Variants in AGO3 observed in about 807,000 individuals in gnomAD.
The protein encoded by AGO3 is argonaute RISC catalytic component 3.
AGO3 carries 16 observed loss-of-function variants against 105.5 expected under a neutral mutation model. The ratio of observed to expected loss-of-function variants is 0.15; its 90% CI spans 0.10 to 0.23. The LOEUF (loss-of-function observed/expected upper bound fraction) is 0.23. Among genes scored for constraint, AGO3 ranks in the 10% least tolerant of loss-of-function variants. The pLI is 1.00. For missense variants in AGO3, 534 were observed against 1,088.0 expected (o/e 0.49, Z 7.16); for synonymous variants, 340 against 367.3 (o/e 0.93, Z 0.85).
At chr1:36,010,040 A>G (rs980830017) in intron 9 of AGO3, among the ~76,000 whole-genome samples, 3 of 139,148 alleles carry the variant, frequency 2.2e-5, no homozygotes, top group African/African-American at 5.4e-5. Context: ...CCAGGTTCAC[A>G]CCATTCTCCT....
chr1:35,986,342 A>G (rs1647176942), intron 5 of AGO3, among the ~76,000 whole-genome samples: 1 of 152,234 alleles, frequency 6.6e-6, no homozygotes, highest in African/African-American at 2.4e-5. Flanking sequence ...GTGGTGTACT[A>G]CATAACAGTT....
intron 4 of AGO3, among the ~76,000 whole-genome samples, chr1:35,972,899 G>A (rs1013930438): frequency 9.2e-6 from 1 of 108,612 alleles, no homozygotes; most frequent in Non-Finnish European, 1.8e-5. Context: ...ATCTCCCTAT[G>A]TTGCCCAGGC....
rs13376002 is a variant in AGO3, at chr1:36,029,580, T to G, written c.1591+2282T>G. The stretch of plus-strand genomic sequence containing the variant: ...CAGCTAATTTTTTTGTATTTTTTAG[T>G]AGAGACAGGGTTTCACCGTGTTAGC... On this transcript the variant is annotated intron_variant, in intron 12 of 18. Coordinates refer to ENST00000373191, the MANE Select transcript of AGO3 (RefSeq NM_024852.4). Among the ~76,000 whole-genome samples the G allele has an allele frequency of 9.5e-3, 1,444 of 151,914 alleles. 22 individuals carry two copies. Among genetic ancestry groups the G allele is most frequent in the African/African-American group, 0.033 (1,347 of 41,424 alleles).
At position 36,055,525 on chromosome 1, in the gene AGO3, A is replaced by G. The variant is rs1642888912; in HGVS notation, c.2475-112A>G. The stretch of plus-strand genomic sequence containing the variant: ...TGATGGACACATAGATTGTTACACC[A>G]GTCTCTTATTTGTTAATAATTTTGA... On this transcript the variant is annotated intron_variant, in intron 18 of 18. Coordinates refer to ENST00000373191, the MANE Select transcript of AGO3 (RefSeq NM_024852.4). The surrounding 1 kb of genome is among the most constrained non-coding windows in gnomAD (Gnocchi z 4.4). 2 of 978,554 alleles carry G rather than the reference A, an allele frequency of 2.0e-6. No homozygotes were observed. Among genetic ancestry groups the G allele is most frequent in the Non-Finnish European group, 3.1e-6 (2 of 637,560 alleles). The allele number at this position is 978,554 out of a possible 1,614,324, so 60.6% of individuals were successfully genotyped here.
chr1:35,943,809 C>T (rs1054585465), intron 1 of AGO3, among the ~76,000 whole-genome samples: 2 of 151,966 alleles, frequency 1.3e-5, no homozygotes, highest in Admixed American at 1.3e-4. Context: ...CCATGTTGCC[C>T]AGGCTGGTCT....
chr1:35,957,448 G>A (rs181246736), intron 2 of AGO3, among the ~76,000 whole-genome samples: 1 of 152,132 alleles, frequency 6.6e-6, no homozygotes, highest in African/African-American at 2.4e-5. Flanking sequence ...TGTATGAGCT[G>A]AGCTCAGTGG....
intron 5 of AGO3, among the ~76,000 whole-genome samples, chr1:35,981,710 C>G (rs1647056049): frequency 6.6e-6 from 1 of 152,210 alleles, no homozygotes. Flanking sequence ...AGATCTGTCA[C>G]TTCCAAACCA....
Position 35,972,035 on chromosome 1 carries a change from C to T in AGO3, c.324C>T (p.Asp108=), listed in dbSNP as rs749037768. The T allele has an allele frequency of 1.2e-5, 20 of 1,613,626 alleles. No homozygotes were observed. The highest frequency in any genetic ancestry group is 3.3e-5 in the South Asian group (3 of 91,060). ...LPVATTGVDL[D]VTLPGEGGKD... is the part of the protein sequence containing the mutation. ...TTTCCCATCAACAGGTAGATTTAGACGTTACTTTACCTGGGGAAGGTGGAA... is the reference window on the plus strand; with the variant it reads ...TTTCCCATCAACAGGTAGATTTAGATGTTACTTTACCTGGGGAAGGTGGAA... The change falls in exon 4 of 19, where the codon GAC becomes GAT. Residue 108 remains aspartate, a synonymous_variant. Transcript: ENST00000373191.
At chr1:35,943,751 A>C (rs1646303545) in intron 1 of AGO3, among the ~76,000 whole-genome samples, 1 of 151,036 alleles carries the variant, frequency 6.6e-6, no homozygotes, top group African/African-American at 2.4e-5. Context: ...CTACAGGTGC[A>C]CACCTGGCTA....
chr1:36,027,319 C>T lies in AGO3; in HGVS notation c.1591+21C>T. On this transcript the variant is annotated intron_variant, in intron 12 of 18. Transcript: ENST00000373191. The surrounding 1 kb of genome is among the most constrained non-coding windows in gnomAD (Gnocchi z 4.0). ...GTATGGTAAGGATATCTTAAGACTG[C>T]ATTTTTCCTCAAGTACTTGATGTCC... 6.4e-7 allele frequency: 1 copy of T among 1,563,774 alleles called. No individual in the cohort carries two copies. Among genetic ancestry groups the T allele is most frequent in the Admixed American group, 1.9e-5 (1 of 52,988 alleles).
At chr1:35,981,205 C>T (rs1047801293) in intron 5 of AGO3, among the ~76,000 whole-genome samples, 2 of 152,084 alleles carry the variant, frequency 1.3e-5, no homozygotes, top group Admixed American at 6.5e-5. Flanking sequence ...AGAAATGTCG[C>T]GGTGCCTTTT....
intron 5 of AGO3, among the ~76,000 whole-genome samples, chr1:35,987,225 G>A (rs1459264573): frequency 6.6e-6 from 1 of 151,950 alleles, no homozygotes. Context: ...CTACTCGGGA[G>A]GCTGAGGCAG....
Position 36,018,638 on chromosome 1 carries a change from G to A in AGO3, c.1406+4590G>A, listed in dbSNP as rs184135271. Among the ~76,000 whole-genome samples, 241 of 151,290 alleles carry A rather than the reference G, an allele frequency of 1.6e-3. 1 individual carries two copies. Among genetic ancestry groups the A allele is most frequent in the South Asian group, 5.2e-3 (25 of 4,766 alleles). On this transcript the variant is annotated intron_variant, in intron 11 of 18. Coordinates refer to ENST00000373191, the MANE Select transcript of AGO3 (RefSeq NM_024852.4). ...AGTAGAGATGGGGTTTCACCATGTTGGCCAGGATGGTCTCGATCTCCTGAC... is the reference window on the plus strand; with the variant it reads ...AGTAGAGATGGGGTTTCACCATGTTAGCCAGGATGGTCTCGATCTCCTGAC...
intron 5 of AGO3, among the ~76,000 whole-genome samples, chr1:35,999,992 TC>T (rs1328594370): frequency 1.2e-4 from 18 of 152,120 alleles, no homozygotes; most frequent in Admixed American, 7.9e-4. Flanking sequence ...TTAGGGAAGT[TC>T]CCTTCTCGTC....
At chr1:35,988,815 A>G (rs1557667818) in intron 5 of AGO3, among the ~76,000 whole-genome samples, 1 of 152,122 alleles carries the variant, frequency 6.6e-6, no homozygotes, top group East Asian at 1.9e-4. Context: ...TTGCTAGATC[A>G]TGTAGTAGTT....
intron 5 of AGO3, among the ~76,000 whole-genome samples, chr1:36,003,709 A>AAATATATATAT (rs1295618675): frequency 2.0e-5 from 2 of 99,436 alleles, no homozygotes; most frequent in African/African-American, 8.1e-5. Flanking sequence ...AAAAAAAAAA[A>AAATATATATAT]ATATATATAT....
At chr1:35,981,537 C>T (rs1000577299) in intron 5 of AGO3, among the ~76,000 whole-genome samples, 2 of 152,172 alleles carry the variant, frequency 1.3e-5, no homozygotes, top group African/African-American at 4.8e-5. Context: ...GCACCTCCTA[C>T]CCTTTAAATT....
chr1:36,020,963 C>T (rs1483631727), intron 11 of AGO3, among the ~76,000 whole-genome samples: 2 of 151,972 alleles, frequency 1.3e-5, no homozygotes, highest in Admixed American at 6.6e-5. Flanking sequence ...GACGGAGTCT[C>T]GTTCTGTCAC....
At position 35,972,293 on chromosome 1, in the gene AGO3, C is replaced by G. The variant is rs558375279; in HGVS notation, c.521+61C>G. On this transcript the variant is annotated intron_variant, in intron 4 of 18. Transcript: ENST00000373191. ...AACTCCCAAGAATGAATTGTGCAGG[C>G]TTCCCTTGGTTAAACCTTTATTTGT... 3.3e-6 allele frequency: 5 copies of G among 1,536,848 alleles called. No individual in the cohort carries two copies. The Admixed American group carries it at 9.0e-5, about 28-fold the overall frequency.
Sources: allele counts gnomAD v4.1 joint callset (sites outside exome capture counted in the v4.1 genomes callset), GRCh38; gene constraint gnomAD v4.1.1; non-coding constraint Gnocchi (gnomAD v3.1); transcripts MANE v1.5; gene names NCBI Gene and HGNC (gene_info 2026-07-23, HGNC 2026-07-21).